LPIN1: variants seen among roughly 807,000 people sequenced by gnomAD.
The protein encoded by LPIN1 is lipin 1.
LPIN1 carries 71 observed loss-of-function variants against 107.5 expected under a neutral mutation model. The observed-to-expected ratio is 0.66, with a 90% CI of 0.55 to 0.80. LPIN1 has a LOEUF of 0.80. Ranked by LOEUF, LPIN1 falls within the 30% of genes least tolerant of loss-of-function variation. The pLI is 0.00. For synonymous variants in LPIN1, 445 were observed against 452.6 expected, an observed-to-expected ratio of 0.98 and a Z score of 0.21; for missense variants, 1,043 against 1,160.6, an observed-to-expected ratio of 0.90 and a Z score of 1.47.
chr2:11,767,242 T>C (rs1249621550), intron 2 of LPIN1, among the ~76,000 whole-genome samples: 2 of 152,132 alleles, frequency 1.3e-5, no homozygotes, highest in Non-Finnish European at 2.9e-5. Context: ...TCCTTGAGTA[T>C]GTGTGAAGGA....
intron 17 of LPIN1, among the ~76,000 whole-genome samples, chr2:11,810,454 T>C (rs943452693): frequency 1.1e-4 from 17 of 151,628 alleles, no homozygotes; most frequent in African/African-American, 4.1e-4. Context: ...GTGCAGACGG[T>C]GGGGTGGGTA....
Position 11,786,309 on chromosome 2 carries a change from G to C in LPIN1, c.1550-765G>C, listed in dbSNP as rs1030504085. On this transcript the variant is annotated intron_variant, in intron 10 of 20. Transcript: ENST00000674199. The surrounding 1 kb of genome is among the most constrained non-coding windows in gnomAD (Gnocchi z 4.1). ...GATTCTCAGTGTCTGATGTCTGCTG[G>C]GTTTCGGTTCGGTTCAGGGTAAATA... Among the ~76,000 whole-genome samples the C allele has an allele frequency of 6.6e-6, 1 of 152,160 alleles. No individual in the cohort carries two copies. The highest frequency in any genetic ancestry group is 2.4e-5 in the African/African-American group (1 of 41,438).
intron 1 of LPIN1, among the ~76,000 whole-genome samples, chr2:11,734,242 AG>A (rs1179157377): frequency 2.0e-5 from 3 of 152,186 alleles, no homozygotes; most frequent in Non-Finnish European, 4.4e-5. Flanking sequence ...ACATAGGATG[AG>A]GGATGGATAA....
chr2:11,677,821 C>A, intron 1 of LPIN1: 1 of 1,111,422 alleles, frequency 9.0e-7, no homozygotes, highest in Non-Finnish European at 1.3e-6. Flanking sequence ...ACCCGGGGAA[C>A]ATTTGCGCCC....
intron 1 of LPIN1, among the ~76,000 whole-genome samples, chr2:11,762,339 C>T (rs1247378819): frequency 6.7e-6 from 1 of 148,282 alleles, no homozygotes; most frequent in African/African-American, 2.5e-5. Flanking sequence ...CTTTCGGGTT[C>T]TATGGAGGCT....
chr2:11,784,954 A>G lies in LPIN1; in HGVS notation c.1427A>G (p.Gln476Arg). 1.2e-6 allele frequency: 2 copies of G among 1,613,936 alleles called. No individual in the cohort carries two copies. The highest frequency in any genetic ancestry group is 2.7e-5 in the African/African-American group (2 of 75,040). ...NGARSANQSP[Q>R]SVGSSGVDSG... ...GCCCGGTCAGCCAACCAGTCCCCGC[A>G]GTCGGTGGGCAGCTCGGGCGTGGAC... Residue 476 changes from glutamine (Q) to arginine (R), a missense_variant, in exon 10 of 21, where the codon CAG becomes CGG. Transcript: ENST00000674199.
At chr2:11,748,408 G>A (rs1014180363) in intron 1 of LPIN1, among the ~76,000 whole-genome samples, 2 of 152,212 alleles carry the variant, frequency 1.3e-5, no homozygotes, top group East Asian at 1.9e-4. Flanking sequence ...TAGAACTTGG[G>A]CAGAAGACTT....
At chr2:11,701,377 T>C (rs564551774) in intron 1 of LPIN1, among the ~76,000 whole-genome samples, 9 of 152,354 alleles carry the variant, frequency 5.9e-5, no homozygotes, top group African/African-American at 2.2e-4. Flanking sequence ...GCACAGGTCA[T>C]GACACCTGAT....
At chr2:11,806,374 G>C (rs145927156) in intron 17 of LPIN1, among the ~76,000 whole-genome samples, 1 of 152,344 alleles carries the variant, frequency 6.6e-6, no homozygotes, top group African/African-American at 2.4e-5. Flanking sequence ...GTAAGTCTCT[G>C]ACCTGGGACT....
In LPIN1 at chr2:11,765,785, C is replaced by G. The variant is rs986297502; in HGVS notation, c.192+52C>G. 1.3e-6 allele frequency: 2 copies of G among 1,519,064 alleles called. No homozygotes were observed. The highest frequency in any genetic ancestry group is 1.8e-6 in the Non-Finnish European group (2 of 1,110,384). The allele number at this position is 1,519,064 out of a possible 1,614,324, so 94.1% of individuals were successfully genotyped here. ...GCACCGGCTCTCCTTAGAGAATGCC[C>G]TTGTACTCTGGTGATGCCACCTGTC... On this transcript the variant is annotated intron_variant, in intron 2 of 20. Transcript: ENST00000674199. This position sits in a 1 kb window ranked among gnomAD's most constrained non-coding sequence, Gnocchi z 4.4.
At position 11,697,767 on chromosome 2, in the gene LPIN1, T is replaced by C. The variant is rs57055669; in HGVS notation, c.82-15989T>C. 0.26 allele frequency among the ~76,000 whole-genome samples: 39,280 copies of C among 151,878 alleles called. 8,335 individuals carry two copies. Among genetic ancestry groups the C allele is most frequent in the African/African-American group, 0.59 (24,225 of 41,318 alleles). The stretch of plus-strand genomic sequence containing the variant: ...GTGCTGGCAGAGTCTGGGTACCAAA[T>C]GCCCCGGGCCTTGTGTCCTTCCCCA... On this transcript the variant is annotated intron_variant, in intron 1 of 21. Coordinates refer to the LPIN1 transcript ENST00000449576. This position sits in a 1 kb window ranked among gnomAD's most constrained non-coding sequence, Gnocchi z 4.6.
At chr2:11,753,684 T>C (rs576297719) in intron 1 of LPIN1, among the ~76,000 whole-genome samples, 251 of 152,370 alleles carry the variant, frequency 1.6e-3, no homozygotes, top group Non-Finnish European at 3.2e-3. Context: ...TTCATCACCC[T>C]TATCAACCGC....
intron 1 of LPIN1, chr2:11,677,846 G>A (rs959411978): frequency 1.0e-5 from 9 of 885,058 alleles, no homozygotes; most frequent in Middle Eastern, 4.4e-4. Context: ...CGCCTTGTTC[G>A]GGATGGGTTT....
intron 1 of LPIN1, among the ~76,000 whole-genome samples, chr2:11,725,838 C>T (rs1187348600): frequency 6.6e-6 from 1 of 152,116 alleles, no homozygotes; most frequent in Non-Finnish European, 1.5e-5. Flanking sequence ...ATTTCTGGCC[C>T]TTCTTTTATG....
At chr2:11,715,141 C>A (rs2148527520) in intron 2 of LPIN1, among the ~76,000 whole-genome samples, 1 of 152,314 alleles carries the variant, frequency 6.6e-6, no homozygotes, top group Non-Finnish European at 1.5e-5. Context: ...TAAGTGACCC[C>A]CTTCACCTGT....
At chr2:11,817,075 G>A (rs998590679) in intron 18 of LPIN1, 1 of 152,142 alleles carries the variant, frequency 6.6e-6, no homozygotes, top group Non-Finnish European at 1.5e-5. Context: ...CTTCATCCAT[G>A]TCCCTGCAAA....
chr2:11,790,505 C>T (rs759047450), intron 12 of LPIN1, among the ~76,000 whole-genome samples: 2 of 152,216 alleles, frequency 1.3e-5, no homozygotes, highest in Non-Finnish European at 2.9e-5. Context: ...TGAACGGCTT[C>T]GACCATTGAG....
At chr2:11,720,058 A>T (rs1326992217), upstream of LPIN1, among the ~76,000 whole-genome samples, 1 of 151,954 alleles carries the variant, frequency 6.6e-6, no homozygotes, top group East Asian at 1.9e-4. Context: ...CTCTTGCTGG[A>T]GACATTATAT....
intron 12 of LPIN1, among the ~76,000 whole-genome samples, chr2:11,790,233 C>T (rs1314834551): frequency 6.6e-6 from 1 of 152,194 alleles, no homozygotes; most frequent in African/African-American, 2.4e-5. Flanking sequence ...TTTTAGGAAA[C>T]AGAATGACTA....
Sources: allele counts gnomAD v4.1 joint callset (sites outside exome capture counted in the v4.1 genomes callset), GRCh38; gene constraint gnomAD v4.1.1; non-coding constraint Gnocchi (gnomAD v3.1); transcripts MANE v1.5; gene names NCBI Gene and HGNC (gene_info 2026-07-23, HGNC 2026-07-21).